QSER1: variants seen among roughly 807,000 people sequenced by gnomAD.
QSER1 encodes the protein glutamine and serine-rich protein 1.
In QSER1, 49 loss-of-function variants were observed where a neutral mutation model predicts 158.5. That is an observed-to-expected ratio of 0.31 (90% CI 0.25 to 0.39). The LOEUF (loss-of-function observed/expected upper bound fraction) is 0.39, where lower values mean the gene tolerates loss of function less well. Ranked by LOEUF, QSER1 falls within the 10% of genes least tolerant of loss-of-function variation. The pLI, the probability that QSER1 is intolerant of heterozygous loss-of-function variation, is 1.00. For synonymous variants in QSER1, 650 were observed against 715.5 expected, an observed-to-expected ratio of 0.91 and a Z score of 1.46; for missense variants, 1,754 against 2,010.3, an observed-to-expected ratio of 0.87 and a Z score of 2.44.
At chr11:32,946,431 C>G (rs998142148) in intron 4 of QSER1, among the ~76,000 whole-genome samples, 11 of 151,214 alleles carry the variant, frequency 7.3e-5, no homozygotes, top group Middle Eastern at 3.4e-3. Flanking sequence ...GATGTCCTTT[C>G]TGTTTGTTAG....
chr11:32,973,455 G>T lies in QSER1; in HGVS notation c.5264G>T (p.Ser1755Ile), dbSNP rs1338361548. 2 of 1,613,818 alleles carry T rather than the reference G, an allele frequency of 1.2e-6. No individual in the cohort carries two copies. The highest frequency in any genetic ancestry group is 1.7e-5 in the Admixed American group (1 of 60,006). The change falls in exon 11 of 13, where the codon AGT becomes ATT. Residue 1755 changes from serine to isoleucine, a missense_variant. Physicochemically the swap from Ser to Ile is moderately radical, Grantham distance 142. Transcript: ENST00000650167. The stretch of plus-strand genomic sequence containing the variant: ...ATTACTCGAGATTCTAAAGCAAAGA[G>T]TGGAGGAACTGCTATTTCTAAAATC... Reference protein sequence around the residue: ...TIITRDSKAKSGGTAISKIKM... With the variant: ...TIITRDSKAKIGGTAISKIKM...
rs1216297154 is a variant in QSER1, at chr11:32,893,563, C to T, written c.209+229C>T. ...CTGGGGACGGCGGGTGAAGGAATAGCTGGGCGGGAGTCGTGGGGCTCCGTC... is the reference window on the plus strand; with the variant it reads ...CTGGGGACGGCGGGTGAAGGAATAGTTGGGCGGGAGTCGTGGGGCTCCGTC... On this transcript the variant is annotated intron_variant, in intron 1 of 12. Transcript: ENST00000650167. This position sits in a 1 kb window ranked among gnomAD's most constrained non-coding sequence, Gnocchi z 4.7. Among the ~76,000 whole-genome samples, 1 of 152,112 alleles carries T rather than the reference C, an allele frequency of 6.6e-6. No individual in the cohort carries two copies. Among genetic ancestry groups the T allele is most frequent in the African/African-American group, 2.4e-5 (1 of 41,428 alleles).
chr11:32,910,157 T>C (rs751562901), intron 1 of QSER1, among the ~76,000 whole-genome samples: 9 of 152,206 alleles, frequency 5.9e-5, no homozygotes, highest in Non-Finnish European at 1.2e-4. Context: ...GGCCTTTTCC[T>C]AACTGTTCTT....
chr11:32,895,047 T>C (rs560786918), intron 1 of QSER1, among the ~76,000 whole-genome samples: 126 of 152,386 alleles, frequency 8.3e-4, no homozygotes, highest in African/African-American at 2.9e-3. Flanking sequence ...AAATACTACC[T>C]AGTTACTTCT....
At chr11:32,951,816 G>C (rs950757149) in intron 4 of QSER1, among the ~76,000 whole-genome samples, 6 of 147,636 alleles carry the variant, frequency 4.1e-5, no homozygotes, top group African/African-American at 1.5e-4. Flanking sequence ...AGTTCTAATA[G>C]TTTTTTAGTA....
chr11:32,892,981 G>T lies in QSER1; in HGVS notation c.-145G>T, dbSNP rs1316126054. Among the ~76,000 whole-genome samples the T allele has an allele frequency of 6.8e-6, 1 of 146,686 alleles. No individual in the cohort carries two copies. The highest frequency in any genetic ancestry group is 2.5e-5 in the African/African-American group (1 of 40,356). ...TCGCCAGCGCGCCCTTCTCCCGCCT[G>T]CTCGCCGGGGCCATGTGAGGGGGCA... On this transcript the variant is annotated 5_prime_UTR_variant, in exon 1 of 13. Transcript: ENST00000650167.
Position 32,966,284 on chromosome 11 carries a change from C to A in QSER1, c.4970-16C>A. On this transcript the variant is annotated splice_polypyrimidine_tract_variant and intron_variant, in intron 8 of 12. Coordinates refer to ENST00000650167, the MANE Select transcript of QSER1 (RefSeq NM_001076786.3). ...CAGGAAGGAAAATTTAATATTTAAC[C>A]CTTTCTCCCTCCCAGAATTTGAACC... The A allele has an allele frequency of 1.2e-6, 2 of 1,608,514 alleles. No homozygotes were observed. Among genetic ancestry groups the A allele is most frequent in the Non-Finnish European group, 1.7e-6 (2 of 1,178,118 alleles).
chr11:32,918,838 C>T (rs772846947), intron 1 of QSER1, among the ~76,000 whole-genome samples: 7 of 152,026 alleles, frequency 4.6e-5, no homozygotes, highest in African/African-American at 7.3e-5. Context: ...ATTATTCTAA[C>T]GCTTAGGAAG....
At chr11:32,920,558 A>C (rs1315680098) in intron 1 of QSER1, among the ~76,000 whole-genome samples, 1 of 152,234 alleles carries the variant, frequency 6.6e-6, no homozygotes, top group Non-Finnish European at 1.5e-5. Flanking sequence ...GCTGTACATG[A>C]TACCATCAGA....
At position 32,933,117 on chromosome 11, in the gene QSER1, A is replaced by G; in HGVS notation, c.1859A>G (p.Gln620Arg). The G allele has an allele frequency of 6.2e-7, 1 of 1,613,610 alleles. No individual in the cohort carries two copies. The highest frequency in any genetic ancestry group is 8.5e-7 in the Non-Finnish European group (1 of 1,179,922). ...AQNLPDSSPT[Q>R]NYISMHSSQN... ...AATTTGCCAGACTCTAGCCCGACCC[A>G]GAATTATATTTCTATGCATTCTTCC... Residue 620 changes from glutamine to arginine, a missense_variant, in exon 4 of 13, where the codon CAG becomes CGG. Coordinates refer to ENST00000650167, the MANE Select transcript of QSER1 (RefSeq NM_001076786.3).
At chr11:32,973,654 G>A (rs1022127134) in intron 11 of QSER1, 105 bp downstream of exon 11, 2 of 1,138,438 alleles carry the variant, frequency 1.8e-6, no homozygotes, top group East Asian at 2.5e-5. Context: ...TTGTCATTAA[G>A]TGTGAAGGTT....
intron 8 of QSER1, among the ~76,000 whole-genome samples, chr11:32,962,751 G>C (rs1038084283): frequency 1.1e-4 from 17 of 152,150 alleles, no homozygotes; most frequent in Admixed American, 1.0e-3. Flanking sequence ...ACTCACAGTG[G>C]GGATAGAAGA....
chr11:32,928,371 A>G (rs373259962), intron 3 of QSER1, among the ~76,000 whole-genome samples: 1 of 152,218 alleles, frequency 6.6e-6, no homozygotes, highest in South Asian at 2.1e-4. Context: ...TGATTAAAGA[A>G]GGTCTCATAT....
chr11:32,932,394 A>G lies in QSER1; in HGVS notation c.1136A>G (p.Gln379Arg). The G allele has an allele frequency of 1.9e-6, 3 of 1,612,688 alleles. No individual in the cohort carries two copies. ...ACTCAGGTGAGCAACGGAGGATTAC[A>G]ACAGAAGACCTCCCAGGTCTCAGTG... ...DSTQVSNGGL[Q>R]QKTSQVSVEL... The change falls in exon 4 of 13, where the codon CAA (glutamine) becomes CGA (arginine). Residue 379 changes from glutamine (Q) to arginine (R), a missense_variant. Coordinates refer to ENST00000650167, the MANE Select transcript of QSER1 (RefSeq NM_001076786.3).
chr11:32,914,601 T>C (rs984519648), intron 1 of QSER1, among the ~76,000 whole-genome samples: 8 of 152,226 alleles, frequency 5.3e-5, no homozygotes, highest in African/African-American at 1.7e-4. Flanking sequence ...ATTTGCTAAT[T>C]GATTTTTAAA....
At chr11:32,936,511 G>A (rs1318922308) in intron 4 of QSER1, among the ~76,000 whole-genome samples, 2 of 152,074 alleles carry the variant, frequency 1.3e-5, no homozygotes, top group South Asian at 4.1e-4. Flanking sequence ...ATTTTCTATT[G>A]TAAGAAACAT....
intron 4 of QSER1, among the ~76,000 whole-genome samples, chr11:32,937,398 C>G (rs550008467): frequency 7.2e-5 from 11 of 152,164 alleles, no homozygotes; most frequent in Non-Finnish European, 1.2e-4. Flanking sequence ...AATCTTCCTT[C>G]CTCAGCCTCC....
chr11:32,941,127 T>C (rs912056660), intron 4 of QSER1, among the ~76,000 whole-genome samples: 10 of 151,752 alleles, frequency 6.6e-5, no homozygotes, highest in African/African-American at 2.4e-4. Context: ...AACTGGCTTA[T>C]TATTTCAGTT....
chr11:32,965,255 G>T (rs1384096890), intron 8 of QSER1, among the ~76,000 whole-genome samples: 3 of 151,950 alleles, frequency 2.0e-5, no homozygotes, highest in African/African-American at 4.8e-5. Flanking sequence ...GGGAATAGTG[G>T]TACATGCCAC....
Sources: allele counts gnomAD v4.1 joint callset (sites outside exome capture counted in the v4.1 genomes callset), GRCh38; gene constraint gnomAD v4.1.1; non-coding constraint Gnocchi (gnomAD v3.1); transcripts MANE v1.5; gene names NCBI Gene and HGNC (gene_info 2026-07-23, HGNC 2026-07-21).